The following RFX3 variants were observed in gnomAD, a reference collection of about 807,000 sequenced individuals.
The protein encoded by RFX3 is transcription factor RFX3.
In RFX3, 14 loss-of-function variants were observed where a neutral mutation model predicts 98.6. The ratio of observed to expected loss-of-function variants is 0.14; its 90% CI spans 0.09 to 0.22. The LOEUF is 0.22. Among genes scored for constraint, RFX3 ranks in the 10% least tolerant of loss-of-function variants. The pLI is 1.00. For synonymous variants in RFX3, 383 were observed against 328.4 expected, an observed-to-expected ratio of 1.17 and a Z score of -1.80; for missense variants, 639 against 926.9, an observed-to-expected ratio of 0.69 and a Z score of 4.03.
At chr9:3,306,516 A>T (rs1829329101) in intron 4 of RFX3, among the ~76,000 whole-genome samples, 1 of 149,786 alleles carries the variant, frequency 6.7e-6, no homozygotes. Flanking sequence ...TTACAGTTTG[A>T]CAGAGCATGG....
chr9:3,384,204 G>A (rs894180604), intron 2 of RFX3, among the ~76,000 whole-genome samples: 1 of 26,134 alleles, frequency 3.8e-5, no homozygotes, highest in East Asian at 0.05. Flanking sequence ...TGACACTACA[G>A]AATACCTCAT....
At chr9:3,240,330 G>A (rs1200131534) in intron 15 of RFX3, among the ~76,000 whole-genome samples, 1 of 152,208 alleles carries the variant, frequency 6.6e-6, no homozygotes, top group East Asian at 1.9e-4. Flanking sequence ...CTTTATGCAA[G>A]TAAAACTATT....
intron 1 of RFX3, among the ~76,000 whole-genome samples, chr9:3,475,606 CATA>C (rs1849174441): frequency 1.3e-5 from 2 of 152,356 alleles, no homozygotes; most frequent in East Asian, 1.9e-4. Flanking sequence ...ATTATTTCTG[CATA>C]ATATTACAAT....
At chr9:3,499,733 G>T (rs1189015626) in intron 1 of RFX3, among the ~76,000 whole-genome samples, 2 of 151,930 alleles carry the variant, frequency 1.3e-5, no homozygotes, top group African/African-American at 2.4e-5. Context: ...CAAGATAAAG[G>T]TGTTCTATCA....
chr9:3,418,828 T>C (rs534673256), intron 1 of RFX3, among the ~76,000 whole-genome samples: 1 of 152,340 alleles, frequency 6.6e-6, no homozygotes, highest in Admixed American at 6.5e-5. Context: ...TGAATGCCAA[T>C]GTTAAAACAA....
At chr9:3,416,449 T>A (rs1842987412) in intron 1 of RFX3, among the ~76,000 whole-genome samples, 1 of 152,170 alleles carries the variant, frequency 6.6e-6, no homozygotes, top group Admixed American at 6.5e-5. Context: ...AAACTGATCC[T>A]CAGTGTTCTC....
chr9:3,456,281 G>A (rs551026958), intron 1 of RFX3, among the ~76,000 whole-genome samples: 73 of 152,264 alleles, frequency 4.8e-4, no homozygotes, highest in African/African-American at 1.8e-3. Flanking sequence ...CAACTTTCCA[G>A]GTCTCTTCAT....
intron 1 of RFX3, among the ~76,000 whole-genome samples, chr9:3,470,306 T>C (rs898624214): frequency 1.3e-5 from 2 of 151,752 alleles, no homozygotes; most frequent in Non-Finnish European, 2.9e-5. Flanking sequence ...TTCTTTTCTT[T>C]TTTTCTTTTT....
At chr9:3,411,489 A>C (rs1351840086) in intron 1 of RFX3, among the ~76,000 whole-genome samples, 1 of 152,012 alleles carries the variant, frequency 6.6e-6, no homozygotes, top group Admixed American at 6.6e-5. Context: ...AGCTGGGATT[A>C]CAGGCACCCG....
chr9:3,412,889 GTTTAT>G (rs1406073818), intron 1 of RFX3, among the ~76,000 whole-genome samples: 15 of 152,084 alleles, frequency 9.9e-5, no homozygotes, highest in Non-Finnish European at 1.8e-4. Context: ...TTGAAAACCT[GTTTAT>G]TATTTAATGT....
chr9:3,247,226 T>C (rs1211435613), intron 15 of RFX3: 2 of 975,648 alleles, frequency 2.0e-6, no homozygotes, highest in Non-Finnish European at 2.4e-6. Flanking sequence ...AGCATTTGCA[T>C]CTATTCCTCA....
chr9:3,497,207 T>C (rs1851175622), intron 1 of RFX3, among the ~76,000 whole-genome samples: 1 of 152,016 alleles, frequency 6.6e-6, no homozygotes, highest in Non-Finnish European at 1.5e-5. Context: ...TAAACTACAA[T>C]CTGAACAATT....
At chr9:3,228,361 A>G (rs1818040227) in intron 16 of RFX3, among the ~76,000 whole-genome samples, 1 of 152,216 alleles carries the variant, frequency 6.6e-6, no homozygotes, top group Non-Finnish European at 1.5e-5. Flanking sequence ...TCAGAAGTAC[A>G]TATGTTACCT....
intron 2 of RFX3, among the ~76,000 whole-genome samples, chr9:3,387,979 T>G (rs1032678638): frequency 1.3e-5 from 2 of 152,152 alleles, no homozygotes; most frequent in African/African-American, 2.4e-5. Context: ...TAAGATACTT[T>G]TGATCAAAAT....
At chr9:3,369,098 C>T (rs1837525020) in intron 2 of RFX3, among the ~76,000 whole-genome samples, 1 of 152,102 alleles carries the variant, frequency 6.6e-6, no homozygotes, top group Admixed American at 6.5e-5. Context: ...AAATAGCACA[C>T]CAGGAGAAAA....
At chr9:3,379,107 T>A (rs1204931500) in intron 2 of RFX3, among the ~76,000 whole-genome samples, 1 of 152,168 alleles carries the variant, frequency 6.6e-6, no homozygotes, top group African/African-American at 2.4e-5. Context: ...CCAGACATAG[T>A]GCATGCAAGG....
chr9:3,254,562 G>C (rs1353030709), intron 14 of RFX3, among the ~76,000 whole-genome samples: 1 of 151,076 alleles, frequency 6.6e-6, no homozygotes, highest in East Asian at 1.9e-4. Flanking sequence ...TTTTAAGATG[G>C]AGTCTTGCTC....
At chr9:3,459,707 G>C (rs894532462) in intron 1 of RFX3, among the ~76,000 whole-genome samples, 15 of 151,848 alleles carry the variant, frequency 9.9e-5, no homozygotes, top group Middle Eastern at 3.4e-3. Context: ...TAATTTCATG[G>C]GGATTCTTTT....
At chr9:3,329,429 C>CAAAAAAAAAAAAA in intron 4 of RFX3, among the ~76,000 whole-genome samples, 1 of 108,282 alleles carries the variant, frequency 9.2e-6, no homozygotes. Context: ...AAAAAAAAAA[C>CAAAAAAAAAAAAA]AAAAAACCAC....
Sources: allele counts gnomAD v4.1 joint callset (sites outside exome capture counted in the v4.1 genomes callset), GRCh38; gene constraint gnomAD v4.1.1; transcripts MANE v1.5; gene names NCBI Gene and HGNC (gene_info 2026-07-23, HGNC 2026-07-21).